GRIK1: variants seen among roughly 807,000 people sequenced by gnomAD.
GRIK1 encodes the protein glutamate receptor ionotropic, kainate 1.
In GRIK1, 69 loss-of-function variants were observed where a neutral mutation model predicts 105.7. The ratio of observed to expected loss-of-function variants is 0.65; its 90% confidence interval spans 0.54 to 0.80. GRIK1 has a LOEUF of 0.80. Among genes scored for constraint, GRIK1 ranks in the 30% least tolerant of loss-of-function variants. The pLI is 0.00. For synonymous variants in GRIK1, 438 were observed against 431.3 expected (o/e 1.02, Z -0.19); for missense variants, 1,109 against 1,167.3 (o/e 0.95, Z 0.73).
chr21:29,735,168 G>A (rs749941332), intron 1 of GRIK1, among the ~76,000 whole-genome samples: 5 of 152,140 alleles, frequency 3.3e-5, no homozygotes, highest in African/African-American at 4.8e-5. Context: ...TTTATTCATC[G>A]TGGATCTCCA....
intron 1 of GRIK1, among the ~76,000 whole-genome samples, chr21:29,731,285 G>A (rs969979621): frequency 6.6e-6 from 1 of 152,098 alleles, no homozygotes; most frequent in African/African-American, 2.4e-5. Flanking sequence ...TTATCATTTT[G>A]GCCCTCCAGA....
intron 1 of GRIK1, among the ~76,000 whole-genome samples, chr21:29,844,864 C>T (rs2068073945): frequency 6.6e-6 from 1 of 152,016 alleles, no homozygotes; most frequent in Non-Finnish European, 1.5e-5. Context: ...ATATTCTTAT[C>T]ATGTAATTCT....
At chr21:29,856,239 G>C (rs1201593575) in intron 1 of GRIK1, among the ~76,000 whole-genome samples, 1 of 152,142 alleles carries the variant, frequency 6.6e-6, no homozygotes, top group African/African-American at 2.4e-5. Flanking sequence ...CCCAGAGACT[G>C]TGTGGAGGAA....
intron 14 of GRIK1, among the ~76,000 whole-genome samples, chr21:29,570,812 T>G (rs1312428911): frequency 6.6e-6 from 1 of 150,540 alleles, no homozygotes; most frequent in South Asian, 2.1e-4. Context: ...TTAATAAGCA[T>G]CATTAGCTGA....
At chr21:29,553,793 T>C (rs997151821) in intron 16 of GRIK1, 1 of 899,918 alleles carries the variant, frequency 1.1e-6, no homozygotes, top group East Asian at 2.5e-5. Flanking sequence ...TTACATCACA[T>C]GAAGCTGGCA....
At chr21:29,575,347 G>C (rs2090864758) in intron 14 of GRIK1, among the ~76,000 whole-genome samples, 1 of 151,924 alleles carries the variant, frequency 6.6e-6, no homozygotes, top group African/African-American at 2.4e-5. Flanking sequence ...TGACAGATGA[G>C]AAATTACTTA....
Position 29,689,836 on chromosome 21 carries a change from A to C in GRIK1, c.436T>G (p.Phe146Val), listed in dbSNP as rs779149365. The C allele has an allele frequency of 6.2e-7, 1 of 1,614,082 alleles. No homozygotes were observed. Among genetic ancestry groups the C allele is most frequent in the Non-Finnish European group, 8.5e-7 (1 of 1,180,000 alleles). ...KHPSVDNKDL[F>V]YINLYPDYAA... ...TAATCTGGGTAAAGGTTGATGTAAAACAAATCTTTGTTGTCCACCGAGGGG... is the reference window on the plus strand; with the variant it reads ...TAATCTGGGTAAAGGTTGATGTAAACCAAATCTTTGTTGTCCACCGAGGGG... Residue 146 changes from phenylalanine (F) to valine (V), a missense_variant, in exon 3 of 18, where the codon TTT becomes GTT. By Grantham distance (50) the Phe-to-Val change is conservative. Transcript: ENST00000327783.
intron 8 of GRIK1, among the ~76,000 whole-genome samples, chr21:29,597,247 T>C (rs2061432745): frequency 6.6e-6 from 1 of 152,200 alleles, no homozygotes; most frequent in Non-Finnish European, 1.5e-5. Context: ...AGAAAAGTTA[T>C]TGCAAACAAT....
At position 29,695,070 on chromosome 21, in the gene GRIK1, A is replaced by G. The variant is rs148479920; in HGVS notation, c.119-1007T>C. Among the ~76,000 whole-genome samples, 555 of 152,248 alleles carry G rather than the reference A, an allele frequency of 3.6e-3. 4 individuals carry two copies. Among genetic ancestry groups the G allele is most frequent in the African/African-American group, 0.013 (526 of 41,532 alleles). On this transcript the variant is annotated intron_variant, in intron 1 of 17. Coordinates refer to ENST00000327783, the MANE Select transcript of GRIK1 (RefSeq NM_001330994.2). ...GAAGAAATATGTCCCTTCACTGAGC[A>G]AGTGCACATGTTCTAGGTAGGCTCT...
intron 1 of GRIK1, among the ~76,000 whole-genome samples, chr21:29,898,637 G>A (rs2070267648): frequency 6.6e-6 from 1 of 152,142 alleles, no homozygotes; most frequent in Admixed American, 6.5e-5. Context: ...TAGACCATAT[G>A]CAATAATTAG....
chr21:29,873,519 A>T (rs468546), intron 1 of GRIK1, among the ~76,000 whole-genome samples: 30,165 of 152,150 alleles, frequency 0.2, 3,315 homozygotes, highest in East Asian at 0.38. Context: ...TAAATATTAT[A>T]ATGTGTGTAG....
chr21:29,593,587 G>A (rs1466579290), intron 9 of GRIK1, among the ~76,000 whole-genome samples: 5 of 152,146 alleles, frequency 3.3e-5, no homozygotes, highest in African/African-American at 1.2e-4. Flanking sequence ...TGTAAATTGG[G>A]CCCTGACTGT....
chr21:29,878,475 T>C (rs961650406), intron 1 of GRIK1, among the ~76,000 whole-genome samples: 1 of 151,976 alleles, frequency 6.6e-6, no homozygotes, highest in Non-Finnish European at 1.5e-5. Flanking sequence ...AAAGGAGCAG[T>C]CAAAGTAAAA....
intron 5 of GRIK1, among the ~76,000 whole-genome samples, chr21:29,653,588 C>A (rs1217994269): frequency 6.6e-6 from 1 of 152,198 alleles, no homozygotes; most frequent in Non-Finnish European, 1.5e-5. Context: ...GGCAGATGGC[C>A]ATGTCACCTT....
At chr21:29,903,835 T>G (rs2070503082) in intron 1 of GRIK1, among the ~76,000 whole-genome samples, 1 of 152,210 alleles carries the variant, frequency 6.6e-6, no homozygotes, top group Non-Finnish European at 1.5e-5. Flanking sequence ...ATATATTTAT[T>G]GCAACACTAT....
At chr21:29,747,180 T>C (rs2065067633) in intron 1 of GRIK1, among the ~76,000 whole-genome samples, 1 of 152,210 alleles carries the variant, frequency 6.6e-6, no homozygotes, top group Non-Finnish European at 1.5e-5. Context: ...CAAGACTTGA[T>C]TGTAACCTGC....
chr21:29,663,947 AT>A (rs1446735630), intron 4 of GRIK1, among the ~76,000 whole-genome samples: 1 of 152,172 alleles, frequency 6.6e-6, no homozygotes, highest in African/African-American at 2.4e-5. Flanking sequence ...ATGATGAGAG[AT>A]AGAGAAAAGG....
intron 1 of GRIK1, among the ~76,000 whole-genome samples, chr21:29,886,846 T>C (rs982839316): frequency 6.6e-6 from 1 of 152,194 alleles, no homozygotes; most frequent in African/African-American, 2.4e-5. Flanking sequence ...CTGTGAGTTA[T>C]GAGAGAAATG....
At chr21:29,849,155 T>A (rs2068229712) in intron 1 of GRIK1, among the ~76,000 whole-genome samples, 1 of 152,188 alleles carries the variant, frequency 6.6e-6, no homozygotes, top group South Asian at 2.1e-4. Flanking sequence ...GTATTGTACT[T>A]CCTAATATTT....
Sources: allele counts gnomAD v4.1 joint callset (sites outside exome capture counted in the v4.1 genomes callset), GRCh38; gene constraint gnomAD v4.1.1; transcripts MANE v1.5; gene names NCBI Gene and HGNC (gene_info 2026-07-23, HGNC 2026-07-21).